Variants in FLACC1 observed in about 807,000 individuals in gnomAD.
The protein encoded by FLACC1 is flagellum associated containing coiled-coil domains 1.
In FLACC1, 66 loss-of-function variants were observed where a neutral mutation model predicts 62.8. That is an observed-to-expected ratio of 1.05 (90% CI 0.86 to 1.29). FLACC1 has a LOEUF of 1.29. FLACC1 is among the 50% of genes most tolerant of loss of function. The pLI, the probability that FLACC1 is intolerant of heterozygous loss-of-function variation, is 0.00. For missense variants in FLACC1, 452 were observed against 489.1 expected, an observed-to-expected ratio of 0.92 and a Z score of 0.71; for synonymous variants, 156 against 161.0, an observed-to-expected ratio of 0.97 and a Z score of 0.24.
chr2:201,344,081 T>G (rs936480940), intron 6 of FLACC1, 89 bp downstream of exon 6: 21 of 1,169,278 alleles, frequency 1.8e-5, no homozygotes, highest in Non-Finnish European at 2.5e-5. Flanking sequence ...ATGAGTAAAG[T>G]GCTTGGCATT....
rs1463759191 is a variant in FLACC1 at position 201,288,637 on chromosome 2, T to C, written c.*18A>G. 6.2e-7 allele frequency: 1 copy of C among 1,612,926 alleles called. No individual in the cohort carries two copies. The highest frequency in any genetic ancestry group is 8.5e-7 in the Non-Finnish European group (1 of 1,179,458). On this transcript the variant is annotated 3_prime_UTR_variant, in exon 15 of 15. Transcript: ENST00000392257. Reference sequence around the variant, plus strand: ...ATGGTGTGCCAACCATCTTCAACAATGCAGAGCAACTTTTTGTTTATGATT... The same window carrying C: ...ATGGTGTGCCAACCATCTTCAACAACGCAGAGCAACTTTTTGTTTATGATT...
chr2:201,292,513 C>A (rs1272063932), intron 12 of FLACC1, among the ~76,000 whole-genome samples: 3 of 152,188 alleles, frequency 2.0e-5, no homozygotes, highest in Non-Finnish European at 2.9e-5. Context: ...CTTAAAAGAG[C>A]TCCTGAAGGA....
chr2:201,320,212 G>C (rs1294493291), intron 9 of FLACC1, among the ~76,000 whole-genome samples: 1 of 152,234 alleles, frequency 6.6e-6, no homozygotes. Flanking sequence ...TTCAGGCAGT[G>C]GTCGCAGGTT....
chr2:201,353,873 C>T (rs1365853751), intron 1 of FLACC1, among the ~76,000 whole-genome samples: 1 of 152,214 alleles, frequency 6.6e-6, no homozygotes, highest in Admixed American at 6.5e-5. Context: ...GCTGGGATTA[C>T]AGGCATGAGC....
intron 7 of FLACC1, among the ~76,000 whole-genome samples, chr2:201,334,045 C>T (rs1227546749): frequency 6.6e-6 from 1 of 152,204 alleles, no homozygotes; most frequent in African/African-American, 2.4e-5. Flanking sequence ...TAAAACTCTT[C>T]CTATTTCTCC....
chr2:201,314,421 G>C (rs979193921), intron 9 of FLACC1, among the ~76,000 whole-genome samples: 4 of 152,136 alleles, frequency 2.6e-5, no homozygotes, highest in Non-Finnish European at 4.4e-5. Flanking sequence ...CAATAGAATT[G>C]AGCAAGCACA....
chr2:201,310,330 C>A (rs1325125941), intron 9 of FLACC1, among the ~76,000 whole-genome samples: 1 of 152,098 alleles, frequency 6.6e-6, no homozygotes, highest in African/African-American at 2.4e-5. Flanking sequence ...GTAAATAGAA[C>A]TTTAGAGGTG....
At chr2:201,328,273 G>T (rs1484687409) in intron 9 of FLACC1, among the ~76,000 whole-genome samples, 4 of 151,742 alleles carry the variant, frequency 2.6e-5, no homozygotes, top group African/African-American at 9.7e-5. Context: ...AATTCATCCA[G>T]GTAACAAAAA....
At chr2:201,298,289 A>G (rs1208724355) in intron 12 of FLACC1, among the ~76,000 whole-genome samples, 1 of 152,240 alleles carries the variant, frequency 6.6e-6, no homozygotes, top group Non-Finnish European at 1.5e-5. Flanking sequence ...GCAAGGCTTG[A>G]AAGGATCAAA....
At chr2:201,310,246 TTTC>T (rs1950192508) in intron 9 of FLACC1, among the ~76,000 whole-genome samples, 1 of 152,010 alleles carries the variant, frequency 6.6e-6, no homozygotes, top group Non-Finnish European at 1.5e-5. Flanking sequence ...TCTATGATGT[TTTC>T]CCTGAATATA....
intron 11 of FLACC1, 90 bp downstream of exon 11, chr2:201,307,429 A>T (rs1950128013): frequency 1.1e-6 from 1 of 924,644 alleles, no homozygotes; most frequent in Admixed American, 2.1e-5. Context: ...AAAGACAAAA[A>T]GATCACCTAA....
upstream of FLACC1, among the ~76,000 whole-genome samples, chr2:201,362,157 C>G: frequency 6.6e-6 from 1 of 152,072 alleles, no homozygotes; most frequent in East Asian, 1.9e-4. Context: ...AATCTTAAAC[C>G]TCATCAGAAG....
chr2:201,320,731 C>T (rs898847422), intron 9 of FLACC1, among the ~76,000 whole-genome samples: 1 of 152,224 alleles, frequency 6.6e-6, no homozygotes, highest in Non-Finnish European at 1.5e-5. Flanking sequence ...AACCCTCACC[C>T]TGCTTTGCCC....
intron 9 of FLACC1, among the ~76,000 whole-genome samples, chr2:201,321,227 C>G (rs1950398025): frequency 6.6e-6 from 1 of 152,190 alleles, no homozygotes. Flanking sequence ...CAGATATTCC[C>G]TAGCACCAGC....
chr2:201,348,226 C>T (rs114465540), intron 4 of FLACC1, 28 bp downstream of exon 4: 1 of 1,606,914 alleles, frequency 6.2e-7, no homozygotes, highest in Non-Finnish European at 8.5e-7. Context: ...AAATTTTAGT[C>T]CCACCGCCCT....
At chr2:201,289,666 AC>A (rs774829934) in intron 13 of FLACC1, 29 bp downstream of exon 13, 148 of 1,610,908 alleles carry the variant, frequency 9.2e-5, no homozygotes, top group East Asian at 3.3e-4. Flanking sequence ...TCTTCCCCCA[AC>A]CCCCATCCCC....
rs1553611895 is a variant in FLACC1 at position 201,309,925 on chromosome 2, A to AG, written c.676-676_676-675insC. ...TGTCTCAAAAAAAAAAAAAAAAAAA[A>AG]AAGAAGAAGAAAGGAAATACCTAGT... is the stretch of plus-strand genomic sequence containing the variant. On this transcript the variant is annotated intron_variant, in intron 9 of 14. Transcript: ENST00000392257. Among the ~76,000 whole-genome samples, 754 of 99,304 alleles carry AG rather than the reference A, an allele frequency of 7.6e-3. 21 individuals carry two copies. The highest frequency in any genetic ancestry group is 0.013 in the Non-Finnish European group (561 of 44,066). The allele number at this position is 99,304 out of a possible 152,430, so 65.1% of individuals were successfully genotyped here.
intron 3 of FLACC1, among the ~76,000 whole-genome samples, chr2:201,350,002 C>T (rs1950993470): frequency 6.6e-6 from 1 of 152,228 alleles, no homozygotes; most frequent in African/African-American, 2.4e-5. Context: ...AATTCTCTAA[C>T]ATCCCTGGCA....
Position 201,342,729 on chromosome 2 carries a change from C to T in FLACC1, c.463-298G>A, listed in dbSNP as rs1164019804. The stretch of plus-strand genomic sequence containing the variant: ...GTAGGTCTGGTCTCCTGTGCTAGAT[C>T]GTCATTTCTGTTACATCATGGCCTT... On this transcript the variant is annotated intron_variant, in intron 6 of 14. Transcript: ENST00000392257. 2.6e-5 allele frequency among the ~76,000 whole-genome samples: 4 copies of T among 152,200 alleles called. No individual in the cohort carries two copies. In the South Asian group the frequency reaches 6.2e-4, roughly 24 times the overall value.
Sources: allele counts gnomAD v4.1 joint callset (sites outside exome capture counted in the v4.1 genomes callset), GRCh38; gene constraint gnomAD v4.1.1; transcripts MANE v1.5; gene names NCBI Gene and HGNC (gene_info 2026-07-23, HGNC 2026-07-21).